KMT2C: variants seen among roughly 807,000 people sequenced by gnomAD.
The protein encoded by KMT2C is lysine methyltransferase 2C.
KMT2C carries 88 observed loss-of-function variants against 507.9 expected under a neutral mutation model. That is an observed-to-expected ratio of 0.17 (90% CI 0.15 to 0.21). The LOEUF is 0.21. KMT2C is among the 10% of genes least tolerant of loss of function. The pLI is 1.00. For missense variants in KMT2C, 4,954 were observed against 5,957.8 expected, an observed-to-expected ratio of 0.83 and a Z score of 5.55; for synonymous variants, 2,049 against 2,080.8, an observed-to-expected ratio of 0.98 and a Z score of 0.42.
At chr7:152,273,673 G>C in intron 7 of KMT2C, 32 bp downstream of exon 7, 1 of 1,531,656 alleles carries the variant, frequency 6.5e-7, no homozygotes, top group African/African-American at 1.4e-5. Flanking sequence ...TACATTGGTT[G>C]AAGTTTAAAA....
chr7:152,143,913 C>A (rs1445650490), intron 55 of KMT2C, among the ~76,000 whole-genome samples: 1 of 152,166 alleles, frequency 6.6e-6, no homozygotes, highest in African/African-American at 2.4e-5. Context: ...GAGGAGACAG[C>A]CAGGCCTGCA....
intron 2 of KMT2C, among the ~76,000 whole-genome samples, chr7:152,357,195 C>G (rs2097159376): frequency 1.3e-5 from 2 of 151,356 alleles, no homozygotes; most frequent in Non-Finnish European, 2.9e-5. Flanking sequence ...CCACTGTAGT[C>G]CAGCCTGGGA....
intron 2 of KMT2C, among the ~76,000 whole-genome samples, chr7:152,356,898 AAT>A: frequency 1.3e-4 from 1 of 7,962 alleles, no homozygotes; most frequent in Non-Finnish European, 4.2e-4. Context: ...ACTCAAAAAG[AAT>A]AATAATAATA....
rs1003874204 is a variant in KMT2C at position 152,435,834 on chromosome 7, G to C, written c.-48C>G. 6.7e-6 allele frequency: 9 copies of C among 1,339,344 alleles called. No individual in the cohort carries two copies. Among genetic ancestry groups the C allele is most frequent in the Non-Finnish European group, 7.7e-6 (8 of 1,040,756 alleles). 83.0% of individuals were successfully genotyped at this position (1,339,344 alleles called of 1,614,324 possible). On this transcript the variant is annotated 5_prime_UTR_variant, in exon 1 of 59. Transcript: ENST00000262189. The stretch of plus-strand genomic sequence containing the variant: ...TGGATCCCGGTCCTCCTCCTGGGGG[G>C]CTCCCGCCGCCGCGGCCGCCGCCGC...
At chr7:152,187,226 T>C (rs2093654846) in intron 33 of KMT2C, 36 bp downstream of exon 33, 1 of 1,557,618 alleles carries the variant, frequency 6.4e-7, no homozygotes, top group Admixed American at 1.7e-5. Flanking sequence ...CATGTGAAAA[T>C]GTTGGTAAAA....
chr7:152,154,568 A>G (rs1167506999), intron 46 of KMT2C, 123 bp from the exon 47 acceptor site: 1 of 719,814 alleles, frequency 1.4e-6, no homozygotes, highest in African/African-American at 1.8e-5. Context: ...CTATACGATG[A>G]GCAGCAAATG....
chr7:152,255,125 A>ATATATATATG (rs1554583765), intron 9 of KMT2C, among the ~76,000 whole-genome samples: 2 of 119,860 alleles, frequency 1.7e-5, no homozygotes, highest in East Asian at 4.4e-4. Context: ...ATATATATAT[A>ATATATATATG]TATATATATA....
chr7:152,269,991 T>G (rs566291979), intron 7 of KMT2C, among the ~76,000 whole-genome samples: 1 of 152,104 alleles, frequency 6.6e-6, no homozygotes, highest in Non-Finnish European at 1.5e-5. Flanking sequence ...AGACAACACA[T>G]AAGAATAAAA....
chr7:152,315,679 T>C (rs1383868485), intron 3 of KMT2C, among the ~76,000 whole-genome samples: 1 of 152,144 alleles, frequency 6.6e-6, no homozygotes, highest in Admixed American at 6.5e-5. Flanking sequence ...CGGTGGCTCA[T>C]GCCTGTAATC....
At chr7:152,226,663 C>A (rs1430397209) in intron 18 of KMT2C, among the ~76,000 whole-genome samples, 1 of 152,050 alleles carries the variant, frequency 6.6e-6, no homozygotes, top group East Asian at 1.9e-4. Context: ...AGGAAATGGC[C>A]TAGGGGTAAG....
chr7:152,253,802 G>C (rs755859777), intron 9 of KMT2C, among the ~76,000 whole-genome samples: 1 of 152,094 alleles, frequency 6.6e-6, no homozygotes, highest in Non-Finnish European at 1.5e-5. Flanking sequence ...TTTTAGAATA[G>C]AGAGAGTGTC....
intron 1 of KMT2C, among the ~76,000 whole-genome samples, chr7:152,420,651 A>G (rs1390508876): frequency 3.3e-5 from 5 of 152,108 alleles, no homozygotes; most frequent in Non-Finnish European, 7.4e-5. Context: ...TCTGGCCAAC[A>G]TGGTGAAACC....
At chr7:152,201,802 C>T (rs1480642341) in intron 26 of KMT2C, among the ~76,000 whole-genome samples, 1 of 151,974 alleles carries the variant, frequency 6.6e-6, no homozygotes, top group Non-Finnish European at 1.5e-5. Context: ...TACATACATA[C>T]TCTCACTGAA....
chr7:152,261,170 T>G (rs2095765960), intron 9 of KMT2C, among the ~76,000 whole-genome samples: 1 of 152,304 alleles, frequency 6.6e-6, no homozygotes. Flanking sequence ...ATTCAACTGT[T>G]AAACTAACAC....
At chr7:152,218,630 G>A (rs1279691913) in intron 23 of KMT2C, among the ~76,000 whole-genome samples, 2 of 152,056 alleles carry the variant, frequency 1.3e-5, no homozygotes, top group Non-Finnish European at 2.9e-5. Context: ...TTCTTTTCAG[G>A]AACATTCAAT....
At chr7:152,294,517 T>C (rs1027330428) in intron 6 of KMT2C, among the ~76,000 whole-genome samples, 14 of 152,180 alleles carry the variant, frequency 9.2e-5, no homozygotes, top group Admixed American at 7.2e-4. Context: ...TAGTCCCAGC[T>C]ATGTGGGAGG....
At chr7:152,202,385 A>T (rs941554465) in intron 26 of KMT2C, among the ~76,000 whole-genome samples, 18 of 152,068 alleles carry the variant, frequency 1.2e-4, no homozygotes, top group African/African-American at 3.9e-4. Context: ...CTAGAAAAAA[A>T]TTTTTTTTGT....
chr7:152,328,274 G>A (rs1018859774), intron 3 of KMT2C, among the ~76,000 whole-genome samples: 1 of 152,178 alleles, frequency 6.6e-6, no homozygotes, highest in African/African-American at 2.4e-5. Context: ...AAACACCAGT[G>A]TGTTCTTTCG....
intron 31 of KMT2C, among the ~76,000 whole-genome samples, chr7:152,192,291 C>T (rs1349549400): frequency 1.3e-5 from 2 of 152,040 alleles, no homozygotes; most frequent in Non-Finnish European, 2.9e-5. Flanking sequence ...GCCTGTAATC[C>T]CAGCACTTTG....
Sources: gnomAD v4.1 joint callset for allele counts (sites outside exome capture counted in the v4.1 genomes callset) on GRCh38, gnomAD v4.1.1 for gene constraint, MANE v1.5 for transcripts, NCBI Gene and HGNC (gene_info 2026-07-23, HGNC 2026-07-21) for gene names.